TC2N: variants seen among roughly 807,000 people sequenced by gnomAD.
TC2N encodes tandem C2 domains nuclear protein.
A neutral mutation model predicts 61.9 loss-of-function variants in TC2N; 51 were observed. The observed-to-expected ratio is 0.82, with a 90% CI of 0.66 to 1.04. The LOEUF (loss-of-function observed/expected upper bound fraction) is 1.04, where lower values mean the gene tolerates loss of function less well. Ranked by LOEUF, TC2N falls within the 50% of genes least tolerant of loss-of-function variation. The pLI is 0.00. For synonymous variants in TC2N, 204 were observed against 192.6 expected (o/e 1.06, Z -0.49); for missense variants, 556 against 566.7 (o/e 0.98, Z 0.19).
intron 1 of TC2N, among the ~76,000 whole-genome samples, chr14:91,825,455 C>G (rs995413030): frequency 5.3e-5 from 8 of 152,112 alleles, no homozygotes; most frequent in African/African-American, 1.2e-4. Context: ...TTTTATCCCC[C>G]CACTGTGCTG....
chr14:91,808,533 A>G (rs1424855486), intron 3 of TC2N, among the ~76,000 whole-genome samples: 3 of 152,230 alleles, frequency 2.0e-5, no homozygotes, highest in Non-Finnish European at 4.4e-5. Flanking sequence ...TCACGTGCAT[A>G]CATACATACA....
intron 1 of TC2N, among the ~76,000 whole-genome samples, chr14:91,825,260 C>T (rs1887447556): frequency 6.6e-6 from 1 of 151,898 alleles, no homozygotes; most frequent in African/African-American, 2.4e-5. Flanking sequence ...TCTTGAACTC[C>T]TAACCTCGTG....
chr14:91,848,887 T>C (rs1888320744), intron 1 of TC2N, among the ~76,000 whole-genome samples: 1 of 152,204 alleles, frequency 6.6e-6, no homozygotes, highest in African/African-American at 2.4e-5. Context: ...CTATTTTGCT[T>C]TCACCGCTTT....
chr14:91,797,918 TACAG>T lies in TC2N; in HGVS notation c.739-21_739-18del. ...ATCTCTGCACTAAAAAAATTAAAAA[TACAG>T]TTTGAATTTTACAAAGGATCCAACA... On this transcript the variant is annotated intron_variant, in intron 7 of 11. Transcript: ENST00000435962. 2.1e-6 allele frequency: 3 copies of T among 1,429,440 alleles called. No individual in the cohort carries two copies. The highest frequency in any genetic ancestry group is 2.9e-6 in the Non-Finnish European group (3 of 1,025,846). 88.5% of individuals were successfully genotyped at this position (1,429,440 alleles called of 1,614,324 possible). A position where few individuals can be genotyped will look rare whatever the true frequency, so the allele number is the denominator to read the frequency against.
intron 1 of TC2N, among the ~76,000 whole-genome samples, chr14:91,846,577 C>A (rs1326810862): frequency 6.6e-6 from 1 of 152,212 alleles, no homozygotes; most frequent in East Asian, 1.9e-4. Flanking sequence ...CAGCTCTCAA[C>A]CTGGAGTAAA....
At chr14:91,799,151 C>T in intron 5 of TC2N, 87 bp from the exon 6 acceptor site, 1 of 752,518 alleles carries the variant, frequency 1.3e-6, no homozygotes, top group Non-Finnish European at 2.1e-6. Context: ...ATCCTAGTAA[C>T]AAACTGCATG....
At chr14:91,824,360 C>T (rs979105756) in intron 1 of TC2N, among the ~76,000 whole-genome samples, 1 of 152,216 alleles carries the variant, frequency 6.6e-6, no homozygotes, top group Non-Finnish European at 1.5e-5. Context: ...TTATTTGCCT[C>T]TGCTGGTCTG....
rs532153091 is a variant in TC2N at position 91,780,684 on chromosome 14, T to C, written c.*2416A>G. On this transcript the variant is annotated 3_prime_UTR_variant, in exon 12 of 12. Coordinates refer to ENST00000435962, the MANE Select transcript of TC2N (RefSeq NM_001128596.3). ...GACATCATTATGATTTCCTTCTCCT[T>C]GCGTAAGTGGGTAAAGGTCAAGAAA... is the stretch of plus-strand genomic sequence containing the variant. 1.3e-5 allele frequency: 2 copies of C among 152,284 alleles called. No individual in the cohort carries two copies. Among genetic ancestry groups the C allele is most frequent in the South Asian group, 4.1e-4 (2 of 4,828 alleles). The allele number at this position is 152,284 out of a possible 1,614,324, so 9.4% of individuals were successfully genotyped here.
At chr14:91,827,163 T>C (rs544338460) in intron 1 of TC2N, among the ~76,000 whole-genome samples, 16 of 152,228 alleles carry the variant, frequency 1.1e-4, no homozygotes, top group Non-Finnish European at 1.5e-4. Context: ...TCATCCTTCC[T>C]TGGATTGACT....
At chr14:91,798,121 T>C (rs904814355) in intron 7 of TC2N, among the ~76,000 whole-genome samples, 178 bp downstream of exon 7, 4 of 152,032 alleles carry the variant, frequency 2.6e-5, no homozygotes, top group African/African-American at 9.7e-5. Flanking sequence ...ACTTCCATCA[T>C]ACTACAGATT....
rs1046506494 is a variant in TC2N at position 91,865,376 on chromosome 14, T to G, written c.-57+1886A>C. On this transcript the variant is annotated intron_variant, in intron 1 of 11. Transcript: ENST00000435962. Reference sequence around the variant, plus strand: ...TTGTCTTGGAGCCTCTTGGTTTTTTTTTTTTTTTTTTTTTAAAAAAACATC... The same window carrying G: ...TTGTCTTGGAGCCTCTTGGTTTTTTGTTTTTTTTTTTTTTAAAAAAACATC... Among the ~76,000 whole-genome samples the G allele has an allele frequency of 5.3e-4, 77 of 145,538 alleles. 1 individual carries two copies. The highest frequency in any genetic ancestry group is 3.2e-3 in the South Asian group (15 of 4,688).
rs202092907 is a variant in TC2N at position 91,800,359 on chromosome 14, C to A, written c.483G>T (p.Arg161Ser). 1 of 1,595,318 alleles carries A rather than the reference C, an allele frequency of 6.3e-7. No individual in the cohort carries two copies. Among genetic ancestry groups the A allele is most frequent in the Non-Finnish European group, 8.6e-7 (1 of 1,167,706 alleles). Residue 161 changes from arginine to serine, a missense_variant, in exon 5 of 12, where the codon AGG becomes AGT. Physicochemically the swap from Arg to Ser is moderately radical, Grantham distance 110 (BLOSUM62 -1). Coordinates refer to ENST00000435962, the MANE Select transcript of TC2N (RefSeq NM_001128596.3). ...KRLYGSVCDL[R>S]TNKLPGSPGL... ...CAGGGGAACCGGGAAGTTTGTTCGT[C>A]CTTAAATCACAAACTACAAAGGGAT...
chr14:91,831,936 A>T (rs1294021945), intron 1 of TC2N, among the ~76,000 whole-genome samples: 1 of 152,238 alleles, frequency 6.6e-6, no homozygotes, highest in African/African-American at 2.4e-5. Flanking sequence ...AAAAGTTGAC[A>T]GAGTCAACTA....
At chr14:91,816,522 CTT>C (rs377026309) in intron 1 of TC2N, among the ~76,000 whole-genome samples, 264 of 151,924 alleles carry the variant, frequency 1.7e-3, no homozygotes, top group South Asian at 4.6e-3. Context: ...GAGATTAACA[CTT>C]TGTCCATTAT....
At chr14:91,820,684 GACA>G (rs929158884) in intron 1 of TC2N, among the ~76,000 whole-genome samples, 15 of 146,538 alleles carry the variant, frequency 1.0e-4, no homozygotes, top group African/African-American at 3.5e-4. Context: ...TTCATTCACA[GACA>G]ACAAGATCTT....
Position 91,825,864 on chromosome 14 carries a change from AT to A in TC2N, c.-56-12040del, listed in dbSNP as rs201408448. Among the ~76,000 whole-genome samples the A allele has an allele frequency of 9.5e-4, 144 of 151,940 alleles. No homozygotes were observed. The East Asian group carries it at 0.011, about 12-fold the overall frequency. ...TTTCCTGGCTATCTTATTGATATTG[AT>A]TTGTAGCTGAATTCCACTGTGATCA... On this transcript the variant is annotated intron_variant, in intron 1 of 11. Transcript: ENST00000435962.
chr14:91,788,335 C>T (rs1266939406), intron 9 of TC2N, among the ~76,000 whole-genome samples: 3 of 152,192 alleles, frequency 2.0e-5, no homozygotes, highest in Admixed American at 6.5e-5. Flanking sequence ...TGAAATACAA[C>T]ACAAGCCAGA....
At chr14:91,784,006 G>C (rs1000259271) in intron 11 of TC2N, among the ~76,000 whole-genome samples, 1 of 151,984 alleles carries the variant, frequency 6.6e-6, no homozygotes, top group Non-Finnish European at 1.5e-5. Context: ...ACAGACATTA[G>C]AGTACTTTCG....
chr14:91,856,240 G>A (rs1288923250), intron 1 of TC2N, among the ~76,000 whole-genome samples: 2 of 152,176 alleles, frequency 1.3e-5, no homozygotes, highest in Non-Finnish European at 2.9e-5. Context: ...TATAATCCCA[G>A]CATTTTGGGA....
Sources: gnomAD v4.1 joint callset for allele counts (sites outside exome capture counted in the v4.1 genomes callset) on GRCh38, gnomAD v4.1.1 for gene constraint, MANE v1.5 for transcripts, NCBI Gene and HGNC (gene_info 2026-07-23, HGNC 2026-07-21) for gene names.